The following SYNPO2 variants were observed in gnomAD, a reference collection of about 807,000 sequenced individuals.
SYNPO2 encodes synaptopodin 2, also known as synaptopodin-2.
In SYNPO2, 56 loss-of-function variants were observed where a neutral mutation model predicts 85.0. The ratio of observed to expected loss-of-function variants is 0.66; its 90% CI spans 0.53 to 0.82. SYNPO2 has a LOEUF of 0.82. SYNPO2 is among the 40% of genes least tolerant of loss of function. The pLI is 0.00. For missense variants in SYNPO2, 1,575 were observed against 1,534.2 expected (o/e 1.03, Z -0.44); for synonymous variants, 602 against 591.1 (o/e 1.02, Z -0.27).
At chr4:119,018,658 G>A (rs1056660609) in intron 1 of SYNPO2, among the ~76,000 whole-genome samples, 31 of 152,060 alleles carry the variant, frequency 2.0e-4, no homozygotes, top group Admixed American at 5.9e-4. Flanking sequence ...CCAGAGACTG[G>A]GAAGGGTAGT....
chr4:119,029,800 G>T, intron 3 of SYNPO2, 45 bp from the exon 4 acceptor site: 1 of 1,504,602 alleles, frequency 6.6e-7, no homozygotes, highest in Non-Finnish European at 8.8e-7. Context: ...TGTCTTCCTT[G>T]AACTCATCAG....
intron 4 of SYNPO2, among the ~76,000 whole-genome samples, chr4:119,054,352 G>T (rs1016661889): frequency 1.3e-5 from 2 of 152,158 alleles, no homozygotes; most frequent in Non-Finnish European, 2.9e-5. Context: ...AGGGCAAAGG[G>T]CCGGTGTGAT....
intron 2 of SYNPO2, among the ~76,000 whole-genome samples, chr4:119,024,827 T>C (rs1432955289): frequency 2.0e-5 from 3 of 152,192 alleles, no homozygotes; most frequent in Non-Finnish European, 4.4e-5. Context: ...CAATAAATAT[T>C]TCTGTCACTC....
At chr4:118,884,844 T>TA, upstream of SYNPO2, among the ~76,000 whole-genome samples, 1 of 152,328 alleles carries the variant, frequency 6.6e-6, no homozygotes, top group Non-Finnish European at 1.5e-5. Context: ...AAGTCAGCAA[T>TA]GACTCCTAGT....
At chr4:119,047,513 G>A (rs889582893) in intron 4 of SYNPO2, among the ~76,000 whole-genome samples, 2 of 152,278 alleles carry the variant, frequency 1.3e-5, no homozygotes, top group East Asian at 1.9e-4. Flanking sequence ...TTCTAGATAA[G>A]AGAGTCCTAA....
intron 4 of SYNPO2, among the ~76,000 whole-genome samples, chr4:119,040,130 G>C (rs563054240): frequency 1.6e-4 from 25 of 152,266 alleles, no homozygotes; most frequent in Non-Finnish European, 3.2e-4. Flanking sequence ...AACACTGCCT[G>C]GCACAGAGAA....
intron 3 of SYNPO2, among the ~76,000 whole-genome samples, chr4:119,029,439 A>C (rs1738117724): frequency 6.6e-6 from 1 of 152,152 alleles, no homozygotes; most frequent in Admixed American, 6.5e-5. Flanking sequence ...ACTTTATTTT[A>C]AAATATGGAA....
intron 1 of SYNPO2, among the ~76,000 whole-genome samples, chr4:118,968,672 T>C (rs1578595477): frequency 1.3e-5 from 2 of 152,310 alleles, no homozygotes; most frequent in Middle Eastern, 6.8e-3. Context: ...TGGGAGTCCC[T>C]GGTGGAGGAG....
At chr4:118,887,513 T>C (rs1732225219), upstream of SYNPO2, among the ~76,000 whole-genome samples, 1 of 152,202 alleles carries the variant, frequency 6.6e-6, no homozygotes, top group African/African-American at 2.4e-5. Flanking sequence ...ATTCCTTGAT[T>C]GAATCCACCA....
At chr4:118,896,821 T>G (rs1344062517) in intron 1 of SYNPO2, among the ~76,000 whole-genome samples, 1 of 152,182 alleles carries the variant, frequency 6.6e-6, no homozygotes, top group Non-Finnish European at 1.5e-5. Context: ...TTTGGAACAT[T>G]GTGAATGAAA....
intron 1 of SYNPO2, among the ~76,000 whole-genome samples, chr4:118,891,452 A>G (rs2149113957): frequency 6.6e-6 from 1 of 152,326 alleles, no homozygotes; most frequent in Admixed American, 6.5e-5. Context: ...TACTGTGGCA[A>G]TGCACAATTT....
At chr4:118,914,487 G>C (rs1648225539) in intron 1 of SYNPO2, among the ~76,000 whole-genome samples, 1 of 152,098 alleles carries the variant, frequency 6.6e-6, no homozygotes, top group Admixed American at 6.6e-5. Flanking sequence ...AGTATTTCTG[G>C]TAAGTTTAAA....
chr4:119,025,854 T>C (rs916995219), intron 2 of SYNPO2, among the ~76,000 whole-genome samples: 2 of 152,198 alleles, frequency 1.3e-5, no homozygotes, highest in East Asian at 3.9e-4. Flanking sequence ...AACCCAAATT[T>C]GCACAGACAA....
At chr4:118,876,717 CTTTCT>C (rs1553934687) in intron 1 of SYNPO2, among the ~76,000 whole-genome samples, 2 of 119,606 alleles carry the variant, frequency 1.7e-5, no homozygotes, top group Non-Finnish European at 3.6e-5. Context: ...TTCTTTCTTT[CTTTCT>C]TTCTTTCTTT....
chr4:118,864,671 A>C (rs1731671494), intron 1 of SYNPO2, among the ~76,000 whole-genome samples: 1 of 152,180 alleles, frequency 6.6e-6, no homozygotes, highest in Admixed American at 6.5e-5. Flanking sequence ...CCTCCTGCTG[A>C]ATTTACCCCT....
intron 1 of SYNPO2, among the ~76,000 whole-genome samples, chr4:118,862,034 T>C (rs934492617): frequency 2.0e-5 from 3 of 152,212 alleles, no homozygotes; most frequent in African/African-American, 7.2e-5. Flanking sequence ...CAATGTCTTA[T>C]AGTTTTCATT....
intron 1 of SYNPO2, among the ~76,000 whole-genome samples, chr4:118,868,068 C>T (rs1305869214): frequency 4.8e-5 from 7 of 147,124 alleles, no homozygotes; most frequent in Admixed American, 2.0e-4. Context: ...AAAAAAACTA[C>T]GTATTTAATG....
chr4:118,942,638 C>T (rs1021525489), intron 1 of SYNPO2, among the ~76,000 whole-genome samples: 2 of 152,144 alleles, frequency 1.3e-5, no homozygotes, highest in African/African-American at 2.4e-5. Context: ...CTCTACATCC[C>T]TGTGTCAGCC....
At chr4:118,968,190 G>C (rs986146594) in intron 1 of SYNPO2, among the ~76,000 whole-genome samples, 3 of 152,194 alleles carry the variant, frequency 2.0e-5, no homozygotes, top group Non-Finnish European at 4.4e-5. Context: ...ATGAAAGCAA[G>C]AGGTCCTGGC....
Sources: allele counts gnomAD v4.1 joint callset (sites outside exome capture counted in the v4.1 genomes callset), GRCh38; gene constraint gnomAD v4.1.1; transcripts MANE v1.5; gene names NCBI Gene and HGNC (gene_info 2026-07-23, HGNC 2026-07-21).